SUPT3H: variants seen among roughly 807,000 people sequenced by gnomAD.
SUPT3H encodes the protein transcription initiation protein SPT3 homolog.
Under a neutral mutation model 44.3 loss-of-function variants are expected in SUPT3H, and 44 were observed. That is an observed-to-expected ratio of 0.99 (90% confidence interval 0.78 to 1.28). The LOEUF (loss-of-function observed/expected upper bound fraction) is 1.28. SUPT3H is among the 50% of genes most tolerant of loss of function. The pLI, the probability that SUPT3H is intolerant of heterozygous loss-of-function variation, is 0.00. For missense variants in SUPT3H, 380 were observed against 387.1 expected (o/e 0.98, Z 0.15); for synonymous variants, 124 against 125.6 (o/e 0.99, Z 0.09).
chr6:44,902,429 CAAAG>C (rs1196496574), intron 10 of SUPT3H, among the ~76,000 whole-genome samples: 3 of 152,080 alleles, frequency 2.0e-5, no homozygotes, highest in Non-Finnish European at 4.4e-5. Context: ...TCAAAAGAGA[CAAAG>C]AAGTCCATAA....
chr6:45,133,849 A>G (rs1029124773), intron 2 of SUPT3H, among the ~76,000 whole-genome samples: 4 of 152,128 alleles, frequency 2.6e-5, no homozygotes, highest in Non-Finnish European at 5.9e-5. Context: ...GAGTGCCAGC[A>G]CCTCCACTCG....
At chr6:44,973,748 T>G (rs1347421089) in intron 6 of SUPT3H, among the ~76,000 whole-genome samples, 1 of 152,202 alleles carries the variant, frequency 6.6e-6, no homozygotes, top group Non-Finnish European at 1.5e-5. Context: ...TCTGCAGGGC[T>G]GGGGAGGTCT....
chr6:45,277,440 G>C (rs1324060695), intron 2 of SUPT3H, among the ~76,000 whole-genome samples: 1 of 152,074 alleles, frequency 6.6e-6, no homozygotes, highest in Non-Finnish European at 1.5e-5. Flanking sequence ...TTTTGTACCA[G>C]TGAAAATAGA....
At chr6:45,013,621 C>T (rs112177178) in intron 5 of SUPT3H, among the ~76,000 whole-genome samples, 69 of 152,184 alleles carry the variant, frequency 4.5e-4, no homozygotes, top group African/African-American at 1.6e-3. Context: ...GCCCAGTATT[C>T]TCAGACTACC....
intron 2 of SUPT3H, among the ~76,000 whole-genome samples, chr6:45,303,180 C>T (rs1453897388): frequency 6.6e-6 from 1 of 152,040 alleles, no homozygotes; most frequent in Non-Finnish European, 1.5e-5. Flanking sequence ...AAGATAACAT[C>T]AGAAAAACCC....
intron 2 of SUPT3H, among the ~76,000 whole-genome samples, chr6:45,330,123 A>G (rs983196762): frequency 1.3e-5 from 2 of 151,930 alleles, no homozygotes; most frequent in Admixed American, 1.3e-4. Context: ...TTTACAAAAA[A>G]AAATGTAAAA....
At chr6:44,930,559 C>A (rs185880445) in intron 10 of SUPT3H, among the ~76,000 whole-genome samples, 50 of 87,660 alleles carry the variant, frequency 5.7e-4, no homozygotes, top group Non-Finnish European at 8.8e-4. Context: ...AGTGAGACTC[C>A]GTCTCAAAAA....
chr6:44,882,803 G>T (rs1320689017), intron 10 of SUPT3H, among the ~76,000 whole-genome samples: 1 of 152,152 alleles, frequency 6.6e-6, no homozygotes, highest in Non-Finnish European at 1.5e-5. Flanking sequence ...CATCTCAATA[G>T]ATGCAGAAAA....
intron 2 of SUPT3H, among the ~76,000 whole-genome samples, chr6:45,146,407 T>C (rs143275727): frequency 5.8e-4 from 88 of 152,106 alleles, no homozygotes; most frequent in African/African-American, 2.0e-3. Flanking sequence ...AAGAATGATA[T>C]AATGGACTTT....
chr6:44,887,199 G>A (rs1262106236), intron 10 of SUPT3H, among the ~76,000 whole-genome samples: 1 of 152,082 alleles, frequency 6.6e-6, no homozygotes, highest in Admixed American at 6.6e-5. Context: ...GTCAACATTA[G>A]ACACATCAAC....
rs1762578540 is a variant in SUPT3H at position 44,887,872 on chromosome 6, C to T, written c.912+44781G>A. Among the ~76,000 whole-genome samples, 4 of 151,570 alleles carry T rather than the reference C, an allele frequency of 2.6e-5. No homozygotes were observed. In the South Asian group the frequency reaches 8.4e-4, roughly 32 times the overall value. On this transcript the variant is annotated intron_variant, in intron 10 of 10. Coordinates refer to ENST00000371459, the MANE Select transcript of SUPT3H (RefSeq NM_003599.4). ...ATCAACAAAATTGATAGACTGCTAGCAAGACTAATAAAGAAGAAAAGAGAG... is the reference window on the plus strand; with the variant it reads ...ATCAACAAAATTGATAGACTGCTAGTAAGACTAATAAAGAAGAAAAGAGAG...
At chr6:45,243,197 CAAAAAA>C (rs61643038) in intron 2 of SUPT3H, among the ~76,000 whole-genome samples, 21,027 of 72,500 alleles carry the variant, frequency 0.29, 1,880 homozygotes, top group Middle Eastern at 0.35. Flanking sequence ...GACTCCTTCT[CAAAAAA>C]AAAAAAAAAA....
intron 2 of SUPT3H, among the ~76,000 whole-genome samples, chr6:45,236,861 T>C (rs1362801115): frequency 6.6e-6 from 1 of 152,190 alleles, no homozygotes; most frequent in East Asian, 1.9e-4. Context: ...GTAATGGGAC[T>C]GTTAAAGAAT....
chr6:45,188,134 T>A (rs1748246), intron 2 of SUPT3H, among the ~76,000 whole-genome samples: 2,980 of 152,312 alleles, frequency 0.02, 38 homozygotes, highest in Non-Finnish European at 0.031. Flanking sequence ...TCACAGCGGT[T>A]GTGTTTAAGT....
intron 2 of SUPT3H, among the ~76,000 whole-genome samples, chr6:45,297,316 A>C (rs1584777601): frequency 1.3e-5 from 2 of 152,218 alleles, no homozygotes; most frequent in African/African-American, 4.8e-5. Context: ...TATCCTATAC[A>C]AAGTCCCTTA....
chr6:44,943,833 A>G (rs957978297), intron 9 of SUPT3H, among the ~76,000 whole-genome samples: 18 of 152,164 alleles, frequency 1.2e-4, no homozygotes, highest in African/African-American at 4.1e-4. Context: ...TTTCAGAAAT[A>G]TCAAAACTAA....
intron 10 of SUPT3H, among the ~76,000 whole-genome samples, chr6:44,844,807 T>C (rs1561874127): frequency 6.6e-6 from 1 of 152,206 alleles, no homozygotes; most frequent in Non-Finnish European, 1.5e-5. Context: ...TGCTCTAATA[T>C]TTTAATTGTG....
intron 3 of SUPT3H, among the ~76,000 whole-genome samples, chr6:45,029,350 T>A (rs1168884265): frequency 6.7e-6 from 1 of 150,152 alleles, no homozygotes; most frequent in Non-Finnish European, 1.5e-5. Context: ...TGTGTATATA[T>A]ATATATATAT....
chr6:45,317,734 T>C (rs1055997710), intron 2 of SUPT3H, among the ~76,000 whole-genome samples: 2 of 152,096 alleles, frequency 1.3e-5, no homozygotes, highest in African/African-American at 4.8e-5. Flanking sequence ...ATTGCAAAGC[T>C]GCTAGAAGAA....
Sources: allele counts gnomAD v4.1 joint callset (sites outside exome capture counted in the v4.1 genomes callset), GRCh38; gene constraint gnomAD v4.1.1; transcripts MANE v1.5; gene names NCBI Gene and HGNC (gene_info 2026-07-23, HGNC 2026-07-21).